The following ZNF571 variants were observed in gnomAD, a reference collection of about 807,000 sequenced individuals.
The protein encoded by ZNF571 is zinc finger protein 571.
Under a neutral mutation model 7.7 loss-of-function variants are expected in ZNF571, and 4 were observed. The observed-to-expected ratio is 0.52, with a 90% CI of 0.25 to 1.18. ZNF571 has a LOEUF of 1.18. ZNF571 is among the 50% of genes most tolerant of loss of function. ZNF571 has a pLI of 0.14. For synonymous variants in ZNF571, 251 were observed against 232.4 expected (o/e 1.08, Z -0.73); for missense variants, 704 against 726.9 (o/e 0.97, Z 0.36).
chr19:37,570,324 T>C (rs2043008986), intron 3 of ZNF571, among the ~76,000 whole-genome samples: 3 of 152,164 alleles, frequency 2.0e-5, no homozygotes, highest in African/African-American at 7.2e-5. Flanking sequence ...CTGTGATTAT[T>C]TTCTTCACCT....
rs1404761872 is a variant in ZNF571 at position 37,584,057 on chromosome 19, T to C, written c.50A>G (p.Gln17Arg). 6.2e-7 allele frequency: 1 copy of C among 1,614,130 alleles called. No individual in the cohort carries two copies. The highest frequency in any genetic ancestry group is 1.3e-5 in the African/African-American group (1 of 75,044). Residue 17 changes from glutamine to arginine, a missense_variant, in exon 3 of 4, where the codon CAG becomes CGG. Gln to Arg is a conservative substitution (Grantham distance 43). Coordinates refer to ENST00000451802, the MANE Select transcript of ZNF571 (RefSeq NM_016536.5). ...AGGGTCCAGGCATTCCCATTCCTCC[T>C]GAGAGAAGTCAATGGCCACATCCCT... ...TFRDVAIDFS[Q>R]EEWECLDPAQ...
rs73617163 is a variant in ZNF571 at position 37,583,841 on chromosome 19, G to A, written c.136+130C>T. 1.5e-3 allele frequency: 1,306 copies of A among 875,644 alleles called. 14 individuals carry two copies. The African/African-American group carries it at 0.02, about 13-fold the overall frequency. 54.2% of individuals were successfully genotyped at this position (875,644 alleles called of 1,614,324 possible). ...AAGGATAAGAGATAAAAAGGTACAC[G>A]GTGGAGCTGTCCATTTCTACTTCTA... On this transcript the variant is annotated intron_variant, in intron 3 of 3. Coordinates refer to ENST00000451802, the MANE Select transcript of ZNF571 (RefSeq NM_016536.5).
At position 37,564,611 on chromosome 19, in the gene ZNF571, C is replaced by CTTGTATGTTGAGTAAG; in HGVS notation, c.1801_1816dup (p.Arg606ThrfsTer9). ...TTCAAGGCTTTCTCAATTATGAAGC[C>CTTGTATGTTGAGTAAG]TTGTATGTTGAGTAAGTTGTGAAGG... On this transcript the variant is annotated frameshift_variant, in exon 4 of 4. Coordinates refer to ENST00000451802, the MANE Select transcript of ZNF571 (RefSeq NM_016536.5). LOFTEE classifies it high-confidence loss of function. 6.5e-7 allele frequency: 1 copy of CTTGTATGTTGAGTAAG among 1,533,762 alleles called. No homozygotes were observed. The highest frequency in any genetic ancestry group is 8.8e-7 in the Non-Finnish European group (1 of 1,141,030).
intron 3 of ZNF571, among the ~76,000 whole-genome samples, chr19:37,579,602 T>TTA (rs1005372037): frequency 1.2e-4 from 19 of 152,328 alleles, no homozygotes; most frequent in African/African-American, 4.6e-4. Context: ...TGGCCTGATC[T>TTA]AGTACATGCA....
At chr19:37,586,326 T>C (rs1220850204) in intron 2 of ZNF571, 3 of 224,500 alleles carry the variant, frequency 1.3e-5, no homozygotes, top group African/African-American at 2.3e-5. Flanking sequence ...AATTTTGTCA[T>C]GTATCACATT....
In ZNF571 at chr19:37,566,175, C is replaced by T. The variant is rs2147151971; in HGVS notation, c.253G>A (p.Gly85Ser). 1 of 1,613,984 alleles carries T rather than the reference C, an allele frequency of 6.2e-7. No individual in the cohort carries two copies. Among genetic ancestry groups the T allele is most frequent in the Non-Finnish European group, 8.5e-7 (1 of 1,179,920 alleles). The change falls in exon 4 of 4, where the codon GGT becomes AGT. Residue 85 changes from glycine to serine, a missense_variant. Coordinates refer to ENST00000451802, the MANE Select transcript of ZNF571 (RefSeq NM_016536.5). ...TTGCACTCCATATTGTCTCCAAGAC[C>T]ATTGTATTGAAGGTGATGGTTGATA... ...KRINHHLQYN[G>S]LGDNMECKGN...
intron 2 of ZNF571, 141 bp downstream of exon 2, chr19:37,586,527 C>T (rs1319262605): frequency 1.1e-6 from 1 of 878,394 alleles, no homozygotes; most frequent in African/African-American, 1.7e-5. Context: ...CTCTTTGCTA[C>T]TATTACTCGC....
Position 37,565,079 on chromosome 19 carries a change from T to A in ZNF571, c.1349A>T (p.Lys450Met), listed in dbSNP as rs1317177787. 1.9e-6 allele frequency: 3 copies of A among 1,613,240 alleles called. No homozygotes were observed. The African/African-American group carries it at 4.0e-5, about 22-fold the overall frequency. Residue 450 changes from lysine to methionine, a missense_variant, in exon 4 of 4, where the codon AAG becomes ATG. Lys to Met is a moderately conservative substitution (Grantham distance 95). Coordinates refer to ENST00000451802, the MANE Select transcript of ZNF571 (RefSeq NM_016536.5). Reference sequence around the variant, plus strand: ...ACGAATAAAGGCCTTTCCACATTCCTTACATTCAAAGGGTTTCTCACCTGT... The same window carrying A: ...ACGAATAAAGGCCTTTCCACATTCCATACATTCAAAGGGTTTCTCACCTGT... ...IHTGEKPFEC[K>M]ECGKAFIRVA...
chr19:37,565,293 T>C lies in ZNF571; in HGVS notation c.1135A>G (p.Thr379Ala), dbSNP rs201364655. Residue 379 changes from threonine (T) to alanine (A), a missense_variant, in exon 4 of 4, where the codon ACT becomes GCT. Transcript: ENST00000451802. ...GKTFFRGSQL[T>A]YHLRVHSGER... is the part of the protein sequence containing the mutation. The stretch of plus-strand genomic sequence containing the variant: ...CCTGAATGAACTCTCAGGTGGTAAG[T>C]AAGTTGTGAGCCACGAAAAAAGGTC... 100 of 1,610,940 alleles carry C rather than the reference T, an allele frequency of 6.2e-5. 2 individuals carry two copies. The highest frequency in any genetic ancestry group is 8.3e-5 in the Non-Finnish European group (98 of 1,178,614).
intron 1 of ZNF571, chr19:37,594,257 C>T (rs1305301619): frequency 6.6e-6 from 1 of 152,290 alleles, no homozygotes; most frequent in Admixed American, 6.5e-5. Context: ...CCGCACGATT[C>T]TCAGCTGGCT....
chr19:37,570,959 C>T (rs538172331), intron 3 of ZNF571, among the ~76,000 whole-genome samples: 2 of 152,158 alleles, frequency 1.3e-5, no homozygotes, highest in Non-Finnish European at 2.9e-5. Context: ...TGGTGTAATA[C>T]AAATTACTCT....
At chr19:37,593,090 T>C (rs141383773) in intron 1 of ZNF571, among the ~76,000 whole-genome samples, 74 of 152,200 alleles carry the variant, frequency 4.9e-4, no homozygotes, top group African/African-American at 1.7e-3. Context: ...TACACCAACA[T>C]AAGAAACAAA....
At chr19:37,591,956 T>C (rs2043880925) in intron 1 of ZNF571, among the ~76,000 whole-genome samples, 1 of 152,086 alleles carries the variant, frequency 6.6e-6, no homozygotes, top group Non-Finnish European at 1.5e-5. Flanking sequence ...TTAATCACCA[T>C]ATATAACTGT....
chr19:37,568,641 T>C (rs34301943), intron 3 of ZNF571, among the ~76,000 whole-genome samples: 3,965 of 152,080 alleles, frequency 0.026, 182 homozygotes, highest in African/African-American at 0.09. Context: ...TAGAGGAATA[T>C]AGAAAAAGTT....
intron 3 of ZNF571, among the ~76,000 whole-genome samples, chr19:37,577,989 G>A (rs1256109601): frequency 1.3e-5 from 2 of 152,172 alleles, no homozygotes; most frequent in Non-Finnish European, 2.9e-5. Flanking sequence ...CTCCGCCTCC[G>A]GTCAGATCAG....
chr19:37,565,015 C>A lies in ZNF571; in HGVS notation c.1413G>T (p.Glu471Asp). ...CACATTCCTTACATTCATAATGTTT[C>A]TCACCATGAATTTTCTCATGTTGAG... ...YLTQHEKIHG[E>D]KHYECKECGK... Residue 471 changes from glutamate (E) to aspartate (D), a missense_variant, in exon 4 of 4, where the codon GAG becomes GAT. Coordinates refer to ENST00000451802, the MANE Select transcript of ZNF571 (RefSeq NM_016536.5). The A allele has an allele frequency of 6.2e-7, 1 of 1,613,800 alleles. No homozygotes were observed. The highest frequency in any genetic ancestry group is 8.5e-7 in the Non-Finnish European group (1 of 1,179,892).
chr19:37,566,208 C>T lies in ZNF571; in HGVS notation c.220G>A (p.Gly74Arg), dbSNP rs2042853157. Residue 74 changes from glycine (G) to arginine (R), a missense_variant, in exon 4 of 4, where the codon GGG becomes AGG. Gly to Arg is a moderately radical substitution (Grantham distance 125). Coordinates refer to ENST00000451802, the MANE Select transcript of ZNF571 (RefSeq NM_016536.5). ...EMESLQWENM[G>R]KRINHHLQYN... ...TGAAGGTGATGGTTGATACGTTTCC[C>T]CATATTCTCCCACTGGAGTGATTCC... 1.9e-6 allele frequency: 3 copies of T among 1,613,956 alleles called. No individual in the cohort carries two copies. The highest frequency in any genetic ancestry group is 4.5e-5 in the East Asian group (2 of 44,862).
At chr19:37,574,290 C>A (rs2043170041) in intron 3 of ZNF571, among the ~76,000 whole-genome samples, 1 of 152,190 alleles carries the variant, frequency 6.6e-6, no homozygotes, top group Non-Finnish European at 1.5e-5. Context: ...TCCCTAAGAG[C>A]TGTCTATAGT....
chr19:37,594,375 C>G (rs1018065683), intron 1 of ZNF571: 1 of 152,368 alleles, frequency 6.6e-6, no homozygotes, highest in African/African-American at 2.4e-5. Context: ...CAAGCGCACA[C>G]GCACACGTCC....
Sources: gnomAD v4.1 joint callset for allele counts (sites outside exome capture counted in the v4.1 genomes callset) on GRCh38, gnomAD v4.1.1 for gene constraint, MANE v1.5 for transcripts, NCBI Gene and HGNC (gene_info 2026-07-23, HGNC 2026-07-21) for gene names.